Variants in PCDHGA1 observed in about 807,000 individuals in gnomAD.
PCDHGA1 encodes the protein protocadherin gamma-A1.
In PCDHGA1, 32 loss-of-function variants were observed where a neutral mutation model predicts 58.0. The ratio of observed to expected loss-of-function variants is 0.55; its 90% CI spans 0.42 to 0.74. PCDHGA1 has a LOEUF of 0.74. Ranked by LOEUF, PCDHGA1 falls within the 30% of genes least tolerant of loss-of-function variation. The pLI is 0.00. For synonymous variants in PCDHGA1, 498 were observed against 501.1 expected, an observed-to-expected ratio of 0.99 and a Z score of 0.08; for missense variants, 1,205 against 1,182.3, an observed-to-expected ratio of 1.02 and a Z score of -0.28.
chr5:141,360,054 G>C, intron 1 of PCDHGA1: 1 of 1,445,180 alleles, frequency 6.9e-7, no homozygotes. Flanking sequence ...AACAAAAGCA[G>C]GAAAAGTGAC....
intron 1 of PCDHGA1, among the ~76,000 whole-genome samples, chr5:141,448,040 C>T (rs892207188): frequency 6.6e-6 from 1 of 151,850 alleles, no homozygotes; most frequent in Admixed American, 6.6e-5. Context: ...GAGCCAAGAT[C>T]ATGCCATTGC....
intron 1 of PCDHGA1, chr5:141,428,501 C>A (rs970043746): frequency 8.4e-5 from 24 of 285,544 alleles, no homozygotes; most frequent in African/African-American, 3.9e-4. Context: ...TATGTTCCCT[C>A]GGATTCTAGA....
At chr5:141,371,773 A>G (rs148367405) in intron 1 of PCDHGA1, 2 of 1,614,020 alleles carry the variant, frequency 1.2e-6, no homozygotes, top group African/African-American at 1.3e-5. Flanking sequence ...TACACCGTGC[A>G]TGTAGCTGAG....
rs2099605934 is a variant in PCDHGA1, at chr5:141,485,057, C to G, written c.2422-9750C>G. On this transcript the variant is annotated intron_variant, in intron 1 of 3. Transcript: ENST00000517417. The surrounding 1 kb of genome is among the most constrained non-coding windows in gnomAD (Gnocchi z 5.7). ...GTAACCCTTGCGGCGCCGGCCGAAC[C>G]GCGCCAGAGCTGGCGCGGGGAAAGG... The G allele has an allele frequency of 1.2e-6, 1 of 843,720 alleles. No homozygotes were observed. Among genetic ancestry groups the G allele is most frequent in the Non-Finnish European group, 1.9e-6 (1 of 524,586 alleles). 52.3% of individuals were successfully genotyped at this position (843,720 alleles called of 1,614,324 possible).
At chr5:141,406,346 G>T (rs1296474677) in intron 1 of PCDHGA1, among the ~76,000 whole-genome samples, 2 of 152,092 alleles carry the variant, frequency 1.3e-5, no homozygotes, top group Non-Finnish European at 2.9e-5. Flanking sequence ...ATTTATTCAG[G>T]TCATACTATG....
intron 1 of PCDHGA1, chr5:141,375,569 C>A (rs775153131): frequency 1.2e-6 from 2 of 1,613,970 alleles, no homozygotes; most frequent in East Asian, 2.2e-5. Context: ...AGAAGACACC[C>A]TCCAGGGGGC....
At chr5:141,372,152 C>G in intron 1 of PCDHGA1, 1 of 1,613,792 alleles carries the variant, frequency 6.2e-7, no homozygotes, top group East Asian at 2.2e-5. Context: ...AGCCTGGCTA[C>G]CTGGTGACCA....
At chr5:141,344,739 A>G in intron 1 of PCDHGA1, 3 of 1,613,966 alleles carry the variant, frequency 1.9e-6, no homozygotes, top group Non-Finnish European at 2.5e-6. Context: ...CCTGGATGCA[A>G]ATGACAACCC....
chr5:141,370,565 C>A, intron 1 of PCDHGA1: 4 of 1,613,782 alleles, frequency 2.5e-6, no homozygotes, highest in African/African-American at 1.3e-5. Context: ...TGGGGTTTGG[C>A]GTGGGGGATT....
intron 1 of PCDHGA1, chr5:141,352,585 T>A (rs748971088): frequency 6.2e-7 from 1 of 1,613,952 alleles, no homozygotes; most frequent in Non-Finnish European, 8.5e-7. Flanking sequence ...CCCCTCAGGA[T>A]CTGCTGTGTG....
intron 1 of PCDHGA1, chr5:141,340,135 G>A (rs1474010551): frequency 2.5e-6 from 4 of 1,614,158 alleles, no homozygotes; most frequent in Non-Finnish European, 3.4e-6. Context: ...CACTCCCCGA[G>A]GATCTTCCTT....
chr5:141,361,040 C>A, intron 1 of PCDHGA1: 1 of 1,613,336 alleles, frequency 6.2e-7, no homozygotes. Context: ...GGAGAAATCA[C>A]GACAAAGGAT....
intron 1 of PCDHGA1, chr5:141,372,797 C>A (rs1216879551): frequency 3.1e-6 from 5 of 1,597,434 alleles, no homozygotes; most frequent in Non-Finnish European, 3.4e-6. Context: ...CTAATTCAGG[C>A]AATTTGCAAA....
At chr5:141,450,556 G>T (rs534127421) in intron 1 of PCDHGA1, among the ~76,000 whole-genome samples, 1 of 151,940 alleles carries the variant, frequency 6.6e-6, no homozygotes, top group African/African-American at 2.4e-5. Flanking sequence ...GCGCAGTCTC[G>T]GCTCACTGCA....
rs1248983040 is a variant in PCDHGA1, at chr5:141,476,937, G to T, written c.2422-17870G>T. 3.1e-6 allele frequency: 5 copies of T among 1,614,186 alleles called. No homozygotes were observed. Among genetic ancestry groups the T allele is most frequent in the Non-Finnish European group, 4.2e-6 (5 of 1,180,050 alleles). The stretch of plus-strand genomic sequence containing the variant: ...GTCCTTGCAACGGATCTGGATGAAG[G>T]CCCCAACGGTGAAATTATTTACTCC... On this transcript the variant is annotated intron_variant, in intron 1 of 3. Coordinates refer to ENST00000517417, the MANE Select transcript of PCDHGA1 (RefSeq NM_018912.3). This position sits in a 1 kb window ranked among gnomAD's most constrained non-coding sequence, Gnocchi z 7.6.
chr5:141,400,167 C>A, intron 1 of PCDHGA1: 1 of 1,614,082 alleles, frequency 6.2e-7, no homozygotes, highest in Non-Finnish European at 8.5e-7. Flanking sequence ...CCTCTGACCC[C>A]CAGGCTGAGC....
intron 1 of PCDHGA1, among the ~76,000 whole-genome samples, chr5:141,434,571 T>C (rs2154556263): frequency 6.6e-6 from 1 of 152,374 alleles, no homozygotes; most frequent in South Asian, 2.1e-4. Flanking sequence ...GACATGCCCC[T>C]GCTGCAGATA....
In PCDHGA1 at chr5:141,476,343, T is replaced by A; in HGVS notation, c.2422-18464T>A. 1 of 1,614,012 alleles carries A rather than the reference T, an allele frequency of 6.2e-7. No individual in the cohort carries two copies. The highest frequency in any genetic ancestry group is 1.3e-5 in the African/African-American group (1 of 74,984). ...GTGGTGTCTGGAGCTAGCCGAAGAT[T>A]CTTTGAGGTGAACCGGGAGACCGGA... On this transcript the variant is annotated intron_variant, in intron 1 of 3. Transcript: ENST00000517417. This position sits in a 1 kb window ranked among gnomAD's most constrained non-coding sequence, Gnocchi z 7.6.
At chr5:141,394,158 C>T in intron 1 of PCDHGA1, 1 of 1,613,844 alleles carries the variant, frequency 6.2e-7, no homozygotes, top group East Asian at 2.2e-5. Flanking sequence ...TAACGACAAC[C>T]CTCCTACTTT....
Sources: allele counts gnomAD v4.1 joint callset (sites outside exome capture counted in the v4.1 genomes callset), GRCh38; gene constraint gnomAD v4.1.1; non-coding constraint Gnocchi (gnomAD v3.1); transcripts MANE v1.5; gene names NCBI Gene and HGNC (gene_info 2026-07-23, HGNC 2026-07-21).